Variants in CHFR observed in about 807,000 individuals in gnomAD.
The protein encoded by CHFR is checkpoint with forkhead and ring finger domains.
Under a neutral mutation model 87.6 loss-of-function variants are expected in CHFR, and 57 were observed. The observed-to-expected ratio is 0.65, with a 90% CI of 0.53 to 0.81. The LOEUF (loss-of-function observed/expected upper bound fraction) is 0.81. Ranked by LOEUF, CHFR falls within the 30% of genes least tolerant of loss-of-function variation. The pLI is 0.00. For synonymous variants in CHFR, 381 were observed against 359.2 expected (o/e 1.06, Z -0.69); for missense variants, 797 against 865.8 (o/e 0.92, Z 1.00).
rs953719912 is a variant in CHFR at position 132,833,071 on chromosome 12, C to T, written c.*8483G>A. On this transcript the variant is annotated 3_prime_UTR_variant, in exon 18 of 18. Transcript: ENST00000450056. ...TCCATCCACACTCAGCACGTTTCCTCGCTGCACGATACTCCAGTGTCTGGA... is the reference window on the plus strand; with the variant it reads ...TCCATCCACACTCAGCACGTTTCCTTGCTGCACGATACTCCAGTGTCTGGA... The T allele has an allele frequency of 6.6e-6, 1 of 152,240 alleles. No homozygotes were observed. The highest frequency in any genetic ancestry group is 2.1e-4 in the South Asian group (1 of 4,832). The allele number at this position is 152,240 out of a possible 1,614,324, so 9.4% of individuals were successfully genotyped here.
intron 12 of CHFR, chr12:132,849,774 A>G (rs942575103): frequency 6.6e-6 from 1 of 151,048 alleles, no homozygotes; most frequent in Admixed American, 6.6e-5. Flanking sequence ...ATTTTTAGTA[A>G]AGATGGGGTC....
Position 132,851,610 on chromosome 12 carries a change from G to A in CHFR, c.1492+8C>T, listed in dbSNP as rs745429725. On this transcript the variant is annotated splice_region_variant and intron_variant, in intron 12 of 17. Coordinates refer to ENST00000450056, the MANE Select transcript of CHFR (RefSeq NM_001161346.2). ...AACCCGCCTGCGTGCGGTGGCGCGG[G>A]CACTCACACTGCTGAGGGGCGACAC... is the stretch of plus-strand genomic sequence containing the variant. The A allele has an allele frequency of 1.9e-6, 3 of 1,605,160 alleles. No homozygotes were observed. The highest frequency in any genetic ancestry group is 1.7e-4 in the Middle Eastern group (1 of 6,042).
At chr12:132,887,160 C>A in intron 2 of CHFR, 36 bp downstream of exon 2, 1 of 1,445,082 alleles carries the variant, frequency 6.9e-7, no homozygotes, top group South Asian at 1.4e-5. Context: ...TGGCTCTGCC[C>A]GGCCCCGGCC....
At chr12:132,879,274 C>T (rs1424727136) in intron 2 of CHFR, among the ~76,000 whole-genome samples, 4 of 151,996 alleles carry the variant, frequency 2.6e-5, no homozygotes, top group African/African-American at 9.7e-5. Context: ...GGATTACAGG[C>T]TTGAGCCACC....
intron 11 of CHFR, among the ~76,000 whole-genome samples, chr12:132,852,553 T>C (rs1219813331): frequency 6.6e-6 from 1 of 152,004 alleles, no homozygotes; most frequent in Non-Finnish European, 1.5e-5. Flanking sequence ...AGGACGGCAA[T>C]TTCACCACCC....
At chr12:132,848,194 A>G (rs1315600186) in intron 13 of CHFR, 39 bp from the exon 14 acceptor site, 2 of 1,613,942 alleles carry the variant, frequency 1.2e-6, no homozygotes, top group Non-Finnish European at 1.7e-6. Context: ...GTTTATAATG[A>G]TGTCGCAGGA....
chr12:132,857,628 G>A (rs1010485016), intron 8 of CHFR, 69 bp from the exon 9 acceptor site: 30 of 1,508,130 alleles, frequency 2.0e-5, no homozygotes, highest in African/African-American at 2.7e-5. Flanking sequence ...ACCAAGGTCC[G>A]CAGCAGCCCC....
rs1438663278 is a variant in CHFR at position 132,840,072 on chromosome 12, C to G, written c.*1482G>C. The G allele has an allele frequency of 6.3e-6, 1 of 158,236 alleles. No individual in the cohort carries two copies. The highest frequency in any genetic ancestry group is 1.4e-5 in the Non-Finnish European group (1 of 71,490). 9.8% of individuals were successfully genotyped at this position (158,236 alleles called of 1,614,324 possible). A position where few individuals can be genotyped will look rare whatever the true frequency, so the allele number is the denominator to read the frequency against. On this transcript the variant is annotated 3_prime_UTR_variant, in exon 18 of 18. Transcript: ENST00000450056. ...CCCCTGCACTAACACGGGACCTCCC[C>G]TCTCAGCCCCACCCTTGCACAAACT...
intron 14 of CHFR, chr12:132,847,667 T>G (rs1398845890): frequency 1.8e-6 from 2 of 1,095,082 alleles, no homozygotes; most frequent in African/African-American, 3.3e-5. Context: ...GTTAAACATA[T>G]GTAAATCCTA....
intron 12 of CHFR, among the ~76,000 whole-genome samples, chr12:132,850,565 G>C (rs572218300): frequency 6.6e-6 from 1 of 152,150 alleles, no homozygotes; most frequent in Non-Finnish European, 1.5e-5. Flanking sequence ...AGATCACCGG[G>C]TGTGTCCCAC....
intron 6 of CHFR, among the ~76,000 whole-genome samples, chr12:132,864,042 G>A (rs1951275467): frequency 1.3e-5 from 2 of 148,446 alleles, no homozygotes; most frequent in Admixed American, 6.6e-5. Context: ...GGAATTACAG[G>A]TGTGAATAAG....
intron 11 of CHFR, 116 bp downstream of exon 11, chr12:132,853,315 G>A (rs191849035): frequency 1.7e-6 from 2 of 1,149,494 alleles, no homozygotes; most frequent in African/African-American, 1.6e-5. Flanking sequence ...AGGGCCCAAA[G>A]GGGGCGAGCA....
Position 132,861,590 on chromosome 12 carries a change from C to G in CHFR, c.628G>C (p.Val210Leu). The part of the protein sequence containing the change: ...GISPKGSGPS[V>L]ASDEVSSFAS... ...AAGCTGGAGACTTCATCACTTGCCA[C>G]AGAGGGACCACTTCCTTTAGGGGAG... Residue 210 changes from valine to leucine, a missense_variant, in exon 7 of 18, where the codon GTG becomes CTG. Transcript: ENST00000450056. 1 of 1,614,192 alleles carries G rather than the reference C, an allele frequency of 6.2e-7. No homozygotes were observed. The highest frequency in any genetic ancestry group is 1.1e-5 in the South Asian group (1 of 91,086).
In CHFR at chr12:132,848,744, GT is replaced by G; in HGVS notation, c.1493-21del. 6.4e-7 allele frequency: 1 copy of G among 1,553,966 alleles called. No homozygotes were observed. The highest frequency in any genetic ancestry group is 1.2e-5 in the South Asian group (1 of 84,836). Reference sequence around the variant, plus strand: ...CCGCACCTGTGGAGAGAGGACACTCGTTACACGCACTCAGCGCTGAGGGCTG... The same window carrying G: ...CCGCACCTGTGGAGAGAGGACACTCGTACACGCACTCAGCGCTGAGGGCTG... On this transcript the variant is annotated intron_variant, in intron 12 of 17. Transcript: ENST00000450056.
At chr12:132,873,675 A>G (rs998949256) in intron 3 of CHFR, among the ~76,000 whole-genome samples, 2 of 138,484 alleles carry the variant, frequency 1.4e-5, no homozygotes, top group Admixed American at 1.4e-4. Flanking sequence ...GGGTGCATGC[A>G]GGGGCGCTGG....
rs546118391 is a variant in CHFR, at chr12:132,853,746, C to T, written c.1230-173G>A. 156 of 704,804 alleles carry T rather than the reference C, an allele frequency of 2.2e-4. No homozygotes were observed. The African/African-American group carries it at 2.6e-3, about 12-fold the overall frequency. 43.7% of individuals were successfully genotyped at this position (704,804 alleles called of 1,614,324 possible). On this transcript the variant is annotated intron_variant, in intron 10 of 17. Coordinates refer to ENST00000450056, the MANE Select transcript of CHFR (RefSeq NM_001161346.2). ...CAGCACCCCAGTGTTAGAGAGGGAC[C>T]AGAACGAGTCGAAGGGCAAGGACAC...
chr12:132,874,189 T>C (rs1210992102), intron 3 of CHFR, among the ~76,000 whole-genome samples: 2 of 152,222 alleles, frequency 1.3e-5, no homozygotes, highest in African/African-American at 4.8e-5. Context: ...AGACAGCAAA[T>C]TTGTGTTTTT....
At chr12:132,847,949 G>A (rs558516677) in intron 14 of CHFR, 136 bp downstream of exon 14, 1 of 1,514,782 alleles carries the variant, frequency 6.6e-7, no homozygotes, top group Admixed American at 2.0e-5. Context: ...CACCAGTGAG[G>A]AAACATGGCT....
At chr12:132,846,391 T>C (rs1950826616) in intron 15 of CHFR, among the ~76,000 whole-genome samples, 1 of 151,464 alleles carries the variant, frequency 6.6e-6, no homozygotes, top group African/African-American at 2.4e-5. Context: ...GCCTCCCGAG[T>C]AGCTGGGACT....
Sources: gnomAD v4.1 joint callset for allele counts (sites outside exome capture counted in the v4.1 genomes callset) on GRCh38, gnomAD v4.1.1 for gene constraint, MANE v1.5 for transcripts, NCBI Gene and HGNC (gene_info 2026-07-23, HGNC 2026-07-21) for gene names.